TTC27: variants seen among roughly 807,000 people sequenced by gnomAD.
The protein encoded by TTC27 is tetratricopeptide repeat domain 27, also known as tetratricopeptide repeat protein 27.
In TTC27, 79 loss-of-function variants were observed where a neutral mutation model predicts 115.9. That is an observed-to-expected ratio of 0.68 (90% confidence interval 0.57 to 0.82). The LOEUF (loss-of-function observed/expected upper bound fraction) is 0.82. Among genes scored for constraint, TTC27 ranks in the 40% least tolerant of loss-of-function variants. The probability of loss-of-function intolerance (pLI) is 0.00; values close to 1 mark genes in which losing one functional copy is unlikely to be tolerated. For missense variants in TTC27, 1,054 were observed against 993.1 expected, an observed-to-expected ratio of 1.06 and a Z score of -0.82; for synonymous variants, 401 against 356.0, an observed-to-expected ratio of 1.13 and a Z score of -1.42.
intron 5 of TTC27, among the ~76,000 whole-genome samples, chr2:32,653,562 A>C (rs1212049801): frequency 1.3e-5 from 2 of 150,806 alleles, no homozygotes; most frequent in Non-Finnish European, 3.0e-5. Flanking sequence ...CCACTGCACT[A>C]CAGCCTGGAT....
intron 11 of TTC27, among the ~76,000 whole-genome samples, chr2:32,735,601 AT>A (rs933529520): frequency 6.6e-6 from 1 of 152,122 alleles, no homozygotes; most frequent in African/African-American, 2.4e-5. Context: ...TTTGTGTATT[AT>A]TTTAAAGATT....
chr2:32,708,301 C>CTTGTTTTTTTTTTTTGTTTTTTT (rs1559215859), intron 10 of TTC27, among the ~76,000 whole-genome samples: 7 of 80,308 alleles, frequency 8.7e-5, no homozygotes, highest in African/African-American at 2.7e-4. Context: ...TTTTCTCTAC[C>CTTGTTTTTTTTTTTTGTTTTTTT]TTGTTTTTTT....
chr2:32,669,060 CAG>C (rs1665908555), intron 7 of TTC27, among the ~76,000 whole-genome samples: 1 of 151,186 alleles, frequency 6.6e-6, no homozygotes, highest in Non-Finnish European at 1.5e-5. Context: ...GGCTGGGCGA[CAG>C]AGTGAGACTC....
rs752429825 is a variant in TTC27 at position 32,820,978 on chromosome 2, G to T, written c.*40G>T. ...GATTCTGGAAAAGGTGCTTTCACCT[G>T]CTGGTAAAAGATACATCTGTATATC... On this transcript the variant is annotated 3_prime_UTR_variant, in exon 20 of 20. Coordinates refer to ENST00000317907, the MANE Select transcript of TTC27 (RefSeq NM_017735.5). 7.0e-7 allele frequency: 1 copy of T among 1,438,346 alleles called. No individual in the cohort carries two copies. The highest frequency in any genetic ancestry group is 9.2e-7 in the Non-Finnish European group (1 of 1,081,798). 89.1% of individuals were successfully genotyped at this position (1,438,346 alleles called of 1,614,324 possible).
At chr2:32,663,152 C>T (rs1024202898) in intron 5 of TTC27, among the ~76,000 whole-genome samples, 1 of 152,138 alleles carries the variant, frequency 6.6e-6, no homozygotes, top group African/African-American at 2.4e-5. Context: ...CACTTGGTTC[C>T]CTGGCTTCAG....
At chr2:32,723,965 C>G (rs1331514965) in intron 10 of TTC27, among the ~76,000 whole-genome samples, 1 of 74,332 alleles carries the variant, frequency 1.3e-5, no homozygotes, top group Admixed American at 1.2e-4. Context: ...AGCTGGCATA[C>G]ATAAGCTTTT....
At chr2:32,653,117 C>T (rs1257209979) in intron 5 of TTC27, among the ~76,000 whole-genome samples, 1 of 152,142 alleles carries the variant, frequency 6.6e-6, no homozygotes, top group South Asian at 2.1e-4. Flanking sequence ...TTGATCATGG[C>T]ATCCAGTGCT....
At position 32,702,797 on chromosome 2, in the gene TTC27, C is replaced by T. The variant is rs1667232443; in HGVS notation, c.1120-10C>T. 6.3e-7 allele frequency: 1 copy of T among 1,589,772 alleles called. No homozygotes were observed. The stretch of plus-strand genomic sequence containing the variant: ...CTTTTCTATGATTTTTTTCTTCCCG[C>T]TTCTATCAGTGTTTGCTTTCACAAC... On this transcript the variant is annotated splice_polypyrimidine_tract_variant and intron_variant, in intron 9 of 19. Coordinates refer to ENST00000317907, the MANE Select transcript of TTC27 (RefSeq NM_017735.5).
intron 10 of TTC27, among the ~76,000 whole-genome samples, chr2:32,708,304 G>GGTTTTTTTTTTTTTTTTT (rs1667450037): frequency 1.6e-5 from 1 of 61,348 alleles, no homozygotes; most frequent in Non-Finnish European, 3.1e-5. Flanking sequence ...TCTCTACCTT[G>GGTTTTTTTTTTTTTTTTT]TTTTTTTTTT....
rs772994184 is a variant in TTC27, at chr2:32,630,693, A to T, written c.259A>T (p.Thr87Ser). The T allele has an allele frequency of 6.3e-7, 1 of 1,599,498 alleles. No individual in the cohort carries two copies. The highest frequency in any genetic ancestry group is 1.1e-5 in the South Asian group (1 of 88,962). Residue 87 changes from threonine to serine, a missense_variant, in exon 2 of 20, where the codon ACG (threonine) becomes TCG (serine). Physicochemically the swap from Thr to Ser is moderately conservative, Grantham distance 58. Coordinates refer to ENST00000317907, the MANE Select transcript of TTC27 (RefSeq NM_017735.5). ...GGATTACTCAACAGATTTGGACACA[A>T]CGGAAAGGTAGAATTTTATTTGAAA... is the stretch of plus-strand genomic sequence containing the variant. ...FLDYSTDLDT[T>S]ERQQLIFLLG...
chr2:32,654,139 AC>A (rs1287253394), intron 5 of TTC27, among the ~76,000 whole-genome samples: 1 of 152,222 alleles, frequency 6.6e-6, no homozygotes, highest in Non-Finnish European at 1.5e-5. Context: ...ATTGAGACTT[AC>A]AGAAGTTGCC....
At chr2:32,646,932 A>G (rs1664887088) in intron 4 of TTC27, among the ~76,000 whole-genome samples, 1 of 147,486 alleles carries the variant, frequency 6.8e-6, no homozygotes. Flanking sequence ...TATAGATCTG[A>G]TTTTTGAGAG....
At chr2:32,697,674 A>T (rs1195802441) in intron 9 of TTC27, among the ~76,000 whole-genome samples, 3 of 152,208 alleles carry the variant, frequency 2.0e-5, no homozygotes, top group Non-Finnish European at 4.4e-5. Context: ...CTTTAGTCAC[A>T]CAGAGCTTAA....
intron 4 of TTC27, among the ~76,000 whole-genome samples, chr2:32,649,086 T>C (rs1664981270): frequency 6.6e-6 from 1 of 152,118 alleles, no homozygotes; most frequent in South Asian, 2.1e-4. Context: ...AGTTATAAAC[T>C]TGAAAAACAG....
intron 16 of TTC27, among the ~76,000 whole-genome samples, chr2:32,804,482 T>C (rs994717667): frequency 6.6e-6 from 1 of 152,190 alleles, no homozygotes; most frequent in Non-Finnish European, 1.5e-5. Flanking sequence ...CGCAGGGGAA[T>C]TGCTAAATAG....
chr2:32,726,064 A>G (rs1668098603), intron 10 of TTC27, among the ~76,000 whole-genome samples: 1 of 152,192 alleles, frequency 6.6e-6, no homozygotes, highest in Admixed American at 6.5e-5. Flanking sequence ...CACACAGAAC[A>G]GGGACCCTGG....
At chr2:32,707,913 A>G (rs1667432771) in intron 10 of TTC27, among the ~76,000 whole-genome samples, 1 of 152,128 alleles carries the variant, frequency 6.6e-6, no homozygotes, top group Non-Finnish European at 1.5e-5. Flanking sequence ...AGGGAAAATG[A>G]TGAGCCTGGA....
chr2:32,636,687 C>G (rs949608710), intron 3 of TTC27, among the ~76,000 whole-genome samples: 2 of 152,118 alleles, frequency 1.3e-5, no homozygotes, highest in African/African-American at 4.8e-5. Flanking sequence ...GTAGAAGCAC[C>G]TGTAAATTCA....
At chr2:32,808,763 G>A (rs1352558822) in intron 16 of TTC27, among the ~76,000 whole-genome samples, 1 of 152,222 alleles carries the variant, frequency 6.6e-6, no homozygotes, top group Admixed American at 6.5e-5. Flanking sequence ...AGGATGTTGA[G>A]CCAACTGTGG....
Sources: gnomAD v4.1 joint callset for allele counts (sites outside exome capture counted in the v4.1 genomes callset) on GRCh38, gnomAD v4.1.1 for gene constraint, MANE v1.5 for transcripts, NCBI Gene and HGNC (gene_info 2026-07-23, HGNC 2026-07-21) for gene names.